The following SDHAF3 variants were observed in gnomAD, a reference collection of about 807,000 sequenced individuals.
SDHAF3 encodes succinate dehydrogenase assembly factor 3, mitochondrial.
A neutral mutation model predicts 11.5 loss-of-function variants in SDHAF3; 18 were observed. The observed-to-expected ratio is 1.56, with a 90% CI of 1.08 to 2.32. SDHAF3 has a LOEUF of 2.32. Ranked by LOEUF, SDHAF3 falls within the 30% of genes most tolerant of loss-of-function variation. SDHAF3 has a pLI of 0.00. For missense variants in SDHAF3, 200 were observed against 154.4 expected, an observed-to-expected ratio of 1.30 and a Z score of -1.57; for synonymous variants, 72 against 59.3, an observed-to-expected ratio of 1.21 and a Z score of -0.99.
chr7:97,157,085 G>A (rs938277568), intron 1 of SDHAF3, among the ~76,000 whole-genome samples: 3 of 151,958 alleles, frequency 2.0e-5, no homozygotes, highest in Non-Finnish European at 2.9e-5. Context: ...TTTTAAATAC[G>A]AATTCTGTTA....
intron 1 of SDHAF3, among the ~76,000 whole-genome samples, chr7:97,129,732 A>T (rs1213897536): frequency 2.6e-5 from 4 of 152,128 alleles, no homozygotes; most frequent in African/African-American, 9.7e-5. Flanking sequence ...CTTAGTTCTG[A>T]GCTGGCCACT....
intron 1 of SDHAF3, among the ~76,000 whole-genome samples, chr7:97,142,423 A>G (rs1030730162): frequency 6.6e-6 from 1 of 152,192 alleles, no homozygotes; most frequent in African/African-American, 2.4e-5. Context: ...TTTTATAAAT[A>G]TGTGAGAATT....
At chr7:97,129,324 C>G (rs1235519091) in intron 1 of SDHAF3, among the ~76,000 whole-genome samples, 2 of 152,154 alleles carry the variant, frequency 1.3e-5, no homozygotes, top group Non-Finnish European at 2.9e-5. Flanking sequence ...GTTTGGCTGT[C>G]TCTTTAAGTG....
chr7:97,169,059 C>T (rs969501961), intron 1 of SDHAF3, among the ~76,000 whole-genome samples: 9 of 152,218 alleles, frequency 5.9e-5, no homozygotes, highest in East Asian at 1.9e-4. Context: ...GGGCTGGGTG[C>T]GGTGGCTCAT....
At chr7:97,135,565 A>C (rs1791740299) in intron 1 of SDHAF3, 1 of 124,996 alleles carries the variant, frequency 8.0e-6, no homozygotes, top group Non-Finnish European at 1.6e-5. Flanking sequence ...TGACTGCATT[A>C]TTTGCTAGTC....
chr7:97,177,748 A>ATT lies in SDHAF3; in HGVS notation c.175-3260_175-3259dup, dbSNP rs1031129650. ...ACATTTAAAAAATTCCAGATAGTGC[A>ATT]TTTTTGAGTTCTAGAATTTATTTGG... On this transcript the variant is annotated intron_variant, in intron 1 of 1. Coordinates refer to ENST00000432641, the MANE Select transcript of SDHAF3 (RefSeq NM_020186.3). 2.6e-5 allele frequency among the ~76,000 whole-genome samples: 4 copies of ATT among 152,268 alleles called. No homozygotes were observed. In the East Asian group the frequency reaches 7.7e-4, roughly 29 times the overall value.
intron 1 of SDHAF3, among the ~76,000 whole-genome samples, chr7:97,171,739 T>C (rs1396463491): frequency 6.6e-6 from 1 of 152,072 alleles, no homozygotes; most frequent in Non-Finnish European, 1.5e-5. Context: ...CAACTAATTA[T>C]CTTTATTTAC....
intron 1 of SDHAF3, chr7:97,142,893 T>C (rs1789074854): frequency 7.1e-6 from 1 of 140,390 alleles, no homozygotes; most frequent in Non-Finnish European, 1.5e-5. Context: ...TTAAATTCTT[T>C]TTTTTTTTTT....
chr7:97,161,834 T>C (rs1040697189), intron 1 of SDHAF3, among the ~76,000 whole-genome samples: 2 of 152,248 alleles, frequency 1.3e-5, no homozygotes, highest in Non-Finnish European at 2.9e-5. Flanking sequence ...CAGTGTATCA[T>C]CAATGGACAT....
At chr7:97,135,982 C>T (rs190265446) in intron 1 of SDHAF3, among the ~76,000 whole-genome samples, 17 of 151,788 alleles carry the variant, frequency 1.1e-4, no homozygotes, top group Admixed American at 7.2e-4. Context: ...CCACCATGCC[C>T]GGGCTAGTCC....
chr7:97,147,977 C>T (rs868509132), intron 1 of SDHAF3, among the ~76,000 whole-genome samples: 25 of 152,090 alleles, frequency 1.6e-4, no homozygotes, highest in African/African-American at 5.1e-4. Flanking sequence ...TGCAGGCTCA[C>T]GGCAACCTCT....
Position 97,117,826 on chromosome 7 carries a change from G to C in SDHAF3, c.103G>C (p.Val35Leu). Residue 35 changes from valine to leucine, a missense_variant, in exon 1 of 2, where the codon GTG (valine) becomes CTG (leucine). Transcript: ENST00000432641. ...PDLKSLGDQYVKDEFRRHKTV... is the reference protein window; with the variant it reads ...PDLKSLGDQYLKDEFRRHKTV... The stretch of plus-strand genomic sequence containing the variant: ...CCTCAAATCCCTGGGCGACCAGTAC[G>C]TGAAAGACGAATTTAGGAGACATAA... The C allele has an allele frequency of 6.2e-7, 1 of 1,614,188 alleles. No homozygotes were observed. Among genetic ancestry groups the C allele is most frequent in the Non-Finnish European group, 8.5e-7 (1 of 1,180,048 alleles).
At chr7:97,154,608 GA>G (rs1489361029) in intron 1 of SDHAF3, among the ~76,000 whole-genome samples, 1 of 151,968 alleles carries the variant, frequency 6.6e-6, no homozygotes, top group Non-Finnish European at 1.5e-5. Flanking sequence ...GTCTTTTTCA[GA>G]GCAGAAGTTT....
At chr7:97,169,144 G>GT (rs1252551967) in intron 1 of SDHAF3, among the ~76,000 whole-genome samples, 6 of 152,164 alleles carry the variant, frequency 3.9e-5, no homozygotes, top group African/African-American at 1.4e-4. Flanking sequence ...TGGCCAGCGT[G>GT]TTGAAACCCT....
intron 1 of SDHAF3, among the ~76,000 whole-genome samples, chr7:97,130,689 C>T (rs1404724368): frequency 3.9e-5 from 6 of 152,184 alleles, no homozygotes; most frequent in Admixed American, 6.5e-5. Context: ...GTTCTTGTCC[C>T]GCATCCAGGA....
chr7:97,165,970 T>C (rs538212841), intron 1 of SDHAF3, among the ~76,000 whole-genome samples: 3 of 152,340 alleles, frequency 2.0e-5, no homozygotes, highest in South Asian at 2.1e-4. Flanking sequence ...AAAAAAACTT[T>C]GTACAAATTG....
chr7:97,136,346 G>T, intron 1 of SDHAF3: 1 of 562,844 alleles, frequency 1.8e-6, no homozygotes, highest in Non-Finnish European at 3.3e-6. Context: ...TTGTTTCTTT[G>T]TGTAAACCTG....
At chr7:97,176,307 T>C (rs555175872) in intron 1 of SDHAF3, among the ~76,000 whole-genome samples, 69 of 152,318 alleles carry the variant, frequency 4.5e-4, no homozygotes, top group Middle Eastern at 3.4e-3. Context: ...GCACTGCACA[T>C]TCTCTTTGGT....
intron 1 of SDHAF3, among the ~76,000 whole-genome samples, chr7:97,128,129 A>G (rs775803748): frequency 6.6e-6 from 1 of 152,000 alleles, no homozygotes; most frequent in Middle Eastern, 3.4e-3. Context: ...AACTCCTGAC[A>G]CCAAGTGATC....
Sources: gnomAD v4.1 joint callset for allele counts (sites outside exome capture counted in the v4.1 genomes callset) on GRCh38, gnomAD v4.1.1 for gene constraint, MANE v1.5 for transcripts, NCBI Gene and HGNC (gene_info 2026-07-23, HGNC 2026-07-21) for gene names.